The following LRP1B variants were observed in gnomAD, a reference collection of about 807,000 sequenced individuals.
LRP1B encodes the protein low-density lipoprotein receptor-related protein 1B.
LRP1B carries 217 observed loss-of-function variants against 556.6 expected under a neutral mutation model. The ratio of observed to expected loss-of-function variants is 0.39; its 90% confidence interval spans 0.35 to 0.44. The LOEUF is 0.44. Among genes scored for constraint, LRP1B ranks in the 20% least tolerant of loss-of-function variants. The probability of loss-of-function intolerance (pLI) is 1.00; values close to 1 mark genes in which losing one functional copy is unlikely to be tolerated. For synonymous variants in LRP1B, 2,047 were observed against 1,865.8 expected (o/e 1.10, Z -2.50); for missense variants, 5,053 against 5,620.8 (o/e 0.90, Z 3.23).
intron 43 of LRP1B, among the ~76,000 whole-genome samples, chr2:140,578,261 AG>A (rs1209688564): frequency 9.1e-6 from 1 of 110,478 alleles, no homozygotes; most frequent in Non-Finnish European, 2.1e-5. Flanking sequence ...AAACACTTAC[AG>A]TTTTTTTTTT....
At chr2:140,876,719 G>A (rs887293217) in intron 25 of LRP1B, among the ~76,000 whole-genome samples, 1 of 152,120 alleles carries the variant, frequency 6.6e-6, no homozygotes, top group African/African-American at 2.4e-5. Context: ...ATCCATGGCT[G>A]GGCTCAACTT....
At chr2:142,086,933 A>AT (rs199586688) in intron 1 of LRP1B, among the ~76,000 whole-genome samples, 31 of 151,422 alleles carry the variant, frequency 2.0e-4, no homozygotes, top group East Asian at 3.9e-4. Flanking sequence ...TCTGTGAAGT[A>AT]TTTTTTTTTC....
intron 2 of LRP1B, among the ~76,000 whole-genome samples, chr2:141,732,682 G>C (rs927262758): frequency 6.6e-6 from 1 of 152,086 alleles, no homozygotes; most frequent in Non-Finnish European, 1.5e-5. Flanking sequence ...AGAATTTGAA[G>C]AGGAAGGAAG....
intron 2 of LRP1B, among the ~76,000 whole-genome samples, chr2:141,753,390 A>G (rs932307488): frequency 6.6e-6 from 1 of 150,788 alleles, no homozygotes; most frequent in Admixed American, 6.6e-5. Flanking sequence ...CACCAAATCT[A>G]TAACCTGCTT....
chr2:141,690,396 A>AATAAATATATATATATATAT (rs5834858), intron 2 of LRP1B, among the ~76,000 whole-genome samples: 20 of 26,874 alleles, frequency 7.4e-4, no homozygotes, highest in Non-Finnish European at 1.5e-3. Flanking sequence ...TACATCTATA[A>AATAAATATATATATATATAT]ATATATATAT....
chr2:140,499,639 C>A (rs774957116), intron 55 of LRP1B, among the ~76,000 whole-genome samples: 3 of 151,800 alleles, frequency 2.0e-5, no homozygotes, highest in African/African-American at 7.3e-5. Context: ...CAGCATGTTA[C>A]TATATTGAAT....
rs1687753299 is a variant in LRP1B at position 141,601,764 on chromosome 2, C to T, written c.206-121231G>A. Reference sequence around the variant, plus strand: ...ATTTAAGCCATTCTTGTGCCTCAACCTCTAACTTTTGTATTTTTAGTAGAG... The same window carrying T: ...ATTTAAGCCATTCTTGTGCCTCAACTTCTAACTTTTGTATTTTTAGTAGAG... On this transcript the variant is annotated intron_variant, in intron 2 of 90. Transcript: ENST00000389484. 2.0e-5 allele frequency among the ~76,000 whole-genome samples: 3 copies of T among 151,930 alleles called. 1 individual carries two copies. The highest frequency in any genetic ancestry group is 7.3e-5 in the African/African-American group (3 of 41,336).
Position 140,440,390 on chromosome 2 carries a change from G to A in LRP1B, c.10414+2114C>T, listed in dbSNP as rs527799280. 2.6e-5 allele frequency among the ~76,000 whole-genome samples: 4 copies of A among 152,256 alleles called. No homozygotes were observed. The South Asian group carries it at 8.3e-4, about 32-fold the overall frequency. ...GAAACACACCCATGCTTCTAGAGAA[G>A]ATCTGTTCTTAGCCATAAAGACATA... On this transcript the variant is annotated intron_variant, in intron 66 of 90. Coordinates refer to ENST00000389484, the MANE Select transcript of LRP1B (RefSeq NM_018557.3).
At chr2:141,256,372 TAA>T (rs879609647) in intron 3 of LRP1B, among the ~76,000 whole-genome samples, 1 of 147,292 alleles carries the variant, frequency 6.8e-6, no homozygotes, top group African/African-American at 2.5e-5. Context: ...TTGATGTAGT[TAA>T]AAAAAAAAAT....
chr2:140,740,796 C>T (rs1460112666), intron 35 of LRP1B, among the ~76,000 whole-genome samples: 1 of 151,996 alleles, frequency 6.6e-6, no homozygotes, highest in Non-Finnish European at 1.5e-5. Context: ...TTCATATGGT[C>T]TTTCCTCTGT....
At chr2:141,243,141 T>TA (rs1447400572) in intron 5 of LRP1B, among the ~76,000 whole-genome samples, 99 of 92,554 alleles carry the variant, frequency 1.1e-3, no homozygotes, top group Middle Eastern at 0.011. Flanking sequence ...TTATTATTAT[T>TA]TTTATTTTTT....
At chr2:141,556,713 A>G (rs1279472464) in intron 2 of LRP1B, among the ~76,000 whole-genome samples, 1 of 151,856 alleles carries the variant, frequency 6.6e-6, no homozygotes, top group Non-Finnish European at 1.5e-5. Flanking sequence ...TAAAAGTAGG[A>G]TCAGTTTTCA....
At chr2:140,524,360 T>C (rs1465845158) in intron 49 of LRP1B, among the ~76,000 whole-genome samples, 1 of 151,986 alleles carries the variant, frequency 6.6e-6, no homozygotes, top group Non-Finnish European at 1.5e-5. Context: ...GAAACACTTA[T>C]ACACTGTTGA....
At chr2:140,775,352 C>G (rs10469559) in intron 33 of LRP1B, among the ~76,000 whole-genome samples, 9,883 of 151,816 alleles carry the variant, frequency 0.065, 826 homozygotes, top group African/African-American at 0.18. Context: ...ATGAAAATCC[C>G]TATCTTAGTG....
intron 63 of LRP1B, among the ~76,000 whole-genome samples, chr2:140,448,055 A>G (rs1686740102): frequency 6.9e-6 from 1 of 144,886 alleles, no homozygotes; most frequent in Non-Finnish European, 1.5e-5. Context: ...CACCAAAACA[A>G]ATATAATAAT....
intron 3 of LRP1B, among the ~76,000 whole-genome samples, chr2:141,271,055 G>A (rs1685071558): frequency 6.6e-6 from 1 of 151,840 alleles, no homozygotes; most frequent in South Asian, 2.1e-4. Context: ...TGAGAAGATA[G>A]AAATTACTAA....
At chr2:141,308,024 G>A (rs1686664466) in intron 3 of LRP1B, among the ~76,000 whole-genome samples, 1 of 152,170 alleles carries the variant, frequency 6.6e-6, no homozygotes, top group Admixed American at 6.5e-5. Flanking sequence ...GTTGCAGCAG[G>A]TTGGATGTGC....
intron 3 of LRP1B, among the ~76,000 whole-genome samples, chr2:141,393,475 G>C (rs1573894682): frequency 6.6e-6 from 1 of 152,200 alleles, no homozygotes; most frequent in East Asian, 1.9e-4. Flanking sequence ...CCCATACACT[G>C]TGCTTTCTGA....
intron 32 of LRP1B, among the ~76,000 whole-genome samples, chr2:140,800,018 A>G (rs899042636): frequency 2.6e-5 from 4 of 152,124 alleles, no homozygotes; most frequent in African/African-American, 9.7e-5. Flanking sequence ...TCAATGATAG[A>G]CTAGATTAAG....
Sources: allele counts gnomAD v4.1 joint callset (sites outside exome capture counted in the v4.1 genomes callset), GRCh38; gene constraint gnomAD v4.1.1; transcripts MANE v1.5; gene names NCBI Gene and HGNC (gene_info 2026-07-23, HGNC 2026-07-21).